SARS2: variants seen among roughly 807,000 people sequenced by gnomAD.
The protein encoded by SARS2 is seryl-tRNA synthetase 2, mitochondrial.
Under a neutral mutation model 66.8 loss-of-function variants are expected in SARS2, and 52 were observed. That is an observed-to-expected ratio of 0.78 (90% confidence interval 0.62 to 0.98). SARS2 has a LOEUF of 0.98. SARS2 is among the 50% of genes least tolerant of loss of function. SARS2 has a pLI of 0.00. For synonymous variants in SARS2, 306 were observed against 281.4 expected (o/e 1.09, Z -0.87); for missense variants, 673 against 706.3 (o/e 0.95, Z 0.53).
chr19:38,923,642 CT>C (rs2144775589), intron 2 of SARS2, among the ~76,000 whole-genome samples: 1 of 151,170 alleles, frequency 6.6e-6, no homozygotes, highest in East Asian at 2.0e-4. Flanking sequence ...GGAGAGCAGC[CT>C]GGCCAACATG....
At position 38,916,205 on chromosome 19, in the gene SARS2, G is replaced by A. The variant is rs1191843154; in HGVS notation, c.1254+16C>T. 6.2e-7 allele frequency: 1 copy of A among 1,613,750 alleles called. No individual in the cohort carries two copies. The highest frequency in any genetic ancestry group is 8.5e-7 in the Non-Finnish European group (1 of 1,179,686). ...TGTCCTCCTGCCCACCCCGTCCCCA[G>A]CGGCACAGGGCTCACCTCTCCAAAG... is the stretch of plus-strand genomic sequence containing the variant. On this transcript the variant is annotated intron_variant, in intron 13 of 15. Coordinates refer to ENST00000221431, the MANE Select transcript of SARS2 (RefSeq NM_017827.4).
At chr19:38,917,174 G>T (rs1192230976) in intron 12 of SARS2, among the ~76,000 whole-genome samples, 2 of 151,992 alleles carry the variant, frequency 1.3e-5, no homozygotes, top group Non-Finnish European at 2.9e-5. Context: ...TGCCCAGGCT[G>T]GTCTTGAACT....
In SARS2 at chr19:38,921,415, A is replaced by T. The variant is rs1974532685; in HGVS notation, c.566T>A (p.Leu189His). 1 of 1,613,732 alleles carries T rather than the reference A, an allele frequency of 6.2e-7. No homozygotes were observed. The highest frequency in any genetic ancestry group is 1.3e-5 in the African/African-American group (1 of 75,016). Residue 189 changes from leucine (L) to histidine (H), a missense_variant, in exon 5 of 16, where the codon CTC (leucine) becomes CAC (histidine). By Grantham distance (99) the Leu-to-His change is moderately conservative. Coordinates refer to ENST00000221431, the MANE Select transcript of SARS2 (RefSeq NM_017827.4). ...PVGDESQARV[L>H]HMVGDKPVFS... ...ACCTGGCTTGTCTCCGACCATGTGGAGCACTCGAGCCTGGCTCTCATCCCC... is the reference window on the plus strand; with the variant it reads ...ACCTGGCTTGTCTCCGACCATGTGGTGCACTCGAGCCTGGCTCTCATCCCC...
At chr19:38,920,638 CAG>C (rs1974504381) in intron 5 of SARS2, among the ~76,000 whole-genome samples, 1 of 151,164 alleles carries the variant, frequency 6.6e-6, no homozygotes, top group South Asian at 2.1e-4. Context: ...TACAGACACA[CAG>C]AGACAGACAC....
In SARS2 at chr19:38,919,831, G is replaced by A. The variant is rs1974485634; in HGVS notation, c.690C>T (p.Tyr230=). The change falls in exon 7 of 16, where the codon TAC becomes TAT. Residue 230 remains tyrosine (Y), a synonymous_variant. Transcript: ENST00000221431. ...GCAGGAGGGCTCCAGCCCCGCGCAG[G>A]TAATAGGACCGGTGGCCAGACACGT... ...LSHVSGHRSY[Y]LRGAGALLQH... 6.2e-7 allele frequency: 1 copy of A among 1,614,176 alleles called. No homozygotes were observed. Among genetic ancestry groups the A allele is most frequent in the South Asian group, 1.1e-5 (1 of 91,086 alleles).
intron 3 of SARS2, 130 bp from the exon 4 acceptor site, chr19:38,921,797 A>G (rs1221977057): frequency 7.1e-7 from 1 of 1,415,930 alleles, no homozygotes; most frequent in East Asian, 2.5e-5. Context: ...AGGATCCTGA[A>G]CGTCTTCGCA....
At position 38,918,610 on chromosome 19, in the gene SARS2, T is replaced by C. The variant is rs545237251; in HGVS notation, c.808-80A>G. The C allele has an allele frequency of 1.7e-4, 243 of 1,393,594 alleles. 1 individual carries two copies. The Admixed American group carries it at 4.3e-3, about 24-fold the overall frequency. The allele number at this position is 1,393,594 out of a possible 1,614,324, so 86.3% of individuals were successfully genotyped here. A position where few individuals can be genotyped will look rare whatever the true frequency, so the allele number is the denominator to read the frequency against. The stretch of plus-strand genomic sequence containing the variant: ...GTTTTACAGTCCCAACCCCAGCTCC[T>C]CCCCTGAAAACATCTGGAGCTGCCC... On this transcript the variant is annotated intron_variant, in intron 8 of 15. Transcript: ENST00000221431.
At chr19:38,915,791 C>A in intron 15 of SARS2, 42 bp from the exon 16 acceptor site, 1 of 1,612,640 alleles carries the variant, frequency 6.2e-7, no homozygotes, top group Non-Finnish European at 8.5e-7. Context: ...GATGCCCCAG[C>A]CCTCCCCGGC....
chr19:38,927,683 G>A (rs998489019), intron 1 of SARS2, among the ~76,000 whole-genome samples: 3 of 152,032 alleles, frequency 2.0e-5, no homozygotes, highest in Admixed American at 6.6e-5. Context: ...CAACGATTCC[G>A]ACGTTTCCAC....
At chr19:38,929,213 T>TG (rs1974683727) in intron 1 of SARS2, among the ~76,000 whole-genome samples, 2 of 151,358 alleles carry the variant, frequency 1.3e-5, no homozygotes, top group African/African-American at 2.4e-5. Context: ...AAAAAATGTC[T>TG]TTTACTAGAC....
rs1429534150 is a variant in SARS2, at chr19:38,921,660, T to A, written c.401A>T (p.Lys134Met). 1 of 1,614,144 alleles carries A rather than the reference T, an allele frequency of 6.2e-7. No homozygotes were observed. Among genetic ancestry groups the A allele is most frequent in the South Asian group, 1.1e-5 (1 of 91,072 alleles). The change falls in exon 4 of 16, where the codon AAG becomes ATG. Residue 134 changes from lysine to methionine, a missense_variant. Transcript: ENST00000221431. The stretch of plus-strand genomic sequence containing the variant: ...GCCACGTGCCCGCAGACCCTGGTAC[T>A]TGGGGTCCTGGGGGCAGCACAGGTG... ...QDSGEVQQDP[K>M]YQGLRARGRE...
intron 12 of SARS2, among the ~76,000 whole-genome samples, chr19:38,916,725 C>T (rs1369296550): frequency 2.0e-5 from 3 of 148,784 alleles, no homozygotes; most frequent in Admixed American, 1.3e-4. Context: ...AGCAGTGGCG[C>T]GATCTCGGCT....
chr19:38,927,092 G>C (rs968267870), intron 1 of SARS2, among the ~76,000 whole-genome samples: 3 of 151,814 alleles, frequency 2.0e-5, no homozygotes, highest in African/African-American at 7.3e-5. Context: ...ACGTGCCACT[G>C]CACCTGGCTA....
Position 38,915,367 on chromosome 19 carries a change from C to T in SARS2, c.*239G>A, listed in dbSNP as rs1021302989. 10 of 582,516 alleles carry T rather than the reference C, an allele frequency of 1.7e-5. No homozygotes were observed. The highest frequency in any genetic ancestry group is 1.4e-4 in the East Asian group (5 of 35,876). The allele number at this position is 582,516 out of a possible 1,614,324, so 36.1% of individuals were successfully genotyped here. On this transcript the variant is annotated 3_prime_UTR_variant, in exon 16 of 16. Coordinates refer to ENST00000221431, the MANE Select transcript of SARS2 (RefSeq NM_017827.4). ...TCCTCTGCTTCTCCTGTCCCTAGAACCGTAAAGCCCAGACGTCCTGCTTCC... is the reference window on the plus strand; with the variant it reads ...TCCTCTGCTTCTCCTGTCCCTAGAATCGTAAAGCCCAGACGTCCTGCTTCC...
At position 38,921,596 on chromosome 19, in the gene SARS2, C is replaced by T. The variant is rs137905677; in HGVS notation, c.465G>A (p.Arg155=). 6.2e-7 allele frequency: 1 copy of T among 1,614,234 alleles called. No homozygotes were observed. Among genetic ancestry groups the T allele is most frequent in the African/African-American group, 1.3e-5 (1 of 75,064 alleles). Residue 155 remains arginine, a synonymous_variant, in exon 4 of 16, where the codon AGG becomes AGA. Coordinates refer to ENST00000221431, the MANE Select transcript of SARS2 (RefSeq NM_017827.4). The part of the protein sequence containing the change: ...IRKELVHLYP[R]EAQLEEQFYL... ...AGAACTGCTCCTCAAGCTGGGCCTC[C>T]CTGGGGTACAGGTGAACAAGCTCCT...
At position 38,916,293 on chromosome 19, in the gene SARS2, T is replaced by A; in HGVS notation, c.1182A>T (p.Gln394His). The A allele has an allele frequency of 6.2e-7, 1 of 1,613,908 alleles. No homozygotes were observed. Among genetic ancestry groups the A allele is most frequent in the Non-Finnish European group, 8.5e-7 (1 of 1,179,924 alleles). The part of the protein sequence containing the change: ...LHFRVLDMPT[Q>H]ELGLPAYRKF... ...TGCGGTAGGCGGGGAGGCCCAGTTC[T>A]TGGGTGGGCATATCCAGGACCCTGC... is the stretch of plus-strand genomic sequence containing the variant. Residue 394 changes from glutamine to histidine, a missense_variant, in exon 13 of 16, where the codon CAA becomes CAT. By Grantham distance (24) the Gln-to-His change is conservative. Coordinates refer to ENST00000221431, the MANE Select transcript of SARS2 (RefSeq NM_017827.4).
chr19:38,926,589 C>G lies in SARS2; in HGVS notation c.268-289G>C, dbSNP rs147647996. ...TCACTTGAGATCAGGAGTTCAAGAC[C>G]AGCCTGGTCAACATGGTGAAACCCC... On this transcript the variant is annotated intron_variant, in intron 1 of 15. Coordinates refer to ENST00000221431, the MANE Select transcript of SARS2 (RefSeq NM_017827.4). 4.9e-3 allele frequency among the ~76,000 whole-genome samples: 749 copies of G among 151,928 alleles called. 5 individuals are homozygous for G. Among genetic ancestry groups the G allele is most frequent in the African/African-American group, 0.017 (698 of 41,420 alleles).
In SARS2 at chr19:38,918,067, T is replaced by A. The variant is rs150429988; in HGVS notation, c.962+27A>T. 319 of 1,604,618 alleles carry A rather than the reference T, an allele frequency of 2.0e-4. No individual in the cohort carries two copies. In the African/African-American group the frequency reaches 2.1e-3, roughly 11 times the overall value. On this transcript the variant is annotated intron_variant, in intron 10 of 15. Coordinates refer to ENST00000221431, the MANE Select transcript of SARS2 (RefSeq NM_017827.4). The stretch of plus-strand genomic sequence containing the variant: ...GGAAGACTGATTGTCACAGGTGGGG[T>A]CAAGGTCTAAGGAAACCAGGTGTCA...
chr19:38,927,843 G>T (rs1600173158), intron 1 of SARS2, among the ~76,000 whole-genome samples: 1 of 151,764 alleles, frequency 6.6e-6, no homozygotes, highest in African/African-American at 2.4e-5. Flanking sequence ...GACCAGCCTG[G>T]CCAAGATGGT....
Sources: allele counts gnomAD v4.1 joint callset (sites outside exome capture counted in the v4.1 genomes callset), GRCh38; gene constraint gnomAD v4.1.1; transcripts MANE v1.5; gene names NCBI Gene and HGNC (gene_info 2026-07-23, HGNC 2026-07-21).